Variants in CAPN8 observed in about 807,000 individuals in gnomAD.
The protein encoded by CAPN8 is calpain-8.
A neutral mutation model predicts 80.9 loss-of-function variants in CAPN8; 87 were observed. The observed-to-expected ratio is 1.07, with a 90% CI of 0.90 to 1.28. The LOEUF (loss-of-function observed/expected upper bound fraction) is 1.28. CAPN8 is among the 50% of genes most tolerant of loss of function. The pLI is 0.00. For synonymous variants in CAPN8, 299 were observed against 273.8 expected, an observed-to-expected ratio of 1.09 and a Z score of -0.91; for missense variants, 757 against 702.0, an observed-to-expected ratio of 1.08 and a Z score of -0.89.
chr1:223,627,896 G>A (rs895303932), intron 4 of CAPN8, 113 bp downstream of exon 4: 1 of 1,284,644 alleles, frequency 7.8e-7, no homozygotes, highest in Non-Finnish European at 1.0e-6. Flanking sequence ...CTGGATGCTG[G>A]GAAAGACGCC....
rs1658748634 is a variant in CAPN8 at position 223,665,079 on chromosome 1, C to A, written c.237+331G>T. ...GACCAGCCTGACCAACATGGAGAAA[C>A]CCCATCTCTACTAAAAATACAAAAT... On this transcript the variant is annotated intron_variant, in intron 1 of 20. Transcript: ENST00000366872. Among the ~76,000 whole-genome samples the A allele has an allele frequency of 3.3e-5, 5 of 152,006 alleles. No homozygotes were observed. In the South Asian group the frequency reaches 1.0e-3, roughly 32 times the overall value.
rs894060482 is a variant in CAPN8 at position 223,628,595 on chromosome 1, A to G, written c.426+67T>C. 8.8e-6 allele frequency: 11 copies of G among 1,252,712 alleles called. No homozygotes were observed. The African/African-American group carries it at 1.4e-4, about 15-fold the overall frequency. The allele number at this position is 1,252,712 out of a possible 1,614,324, so 77.6% of individuals were successfully genotyped here. A position where few individuals can be genotyped will look rare whatever the true frequency, so the allele number is the denominator to read the frequency against. ...GCCCCAAACCCAGAATTTCTGACGC[A>G]GTGGACCTGCAGTGAGCCCTAAGAA... On this transcript the variant is annotated intron_variant, in intron 3 of 20. Transcript: ENST00000366872.
intron 7 of CAPN8, among the ~76,000 whole-genome samples, chr1:223,622,345 G>C (rs537532722): frequency 8.1e-4 from 123 of 152,274 alleles, no homozygotes; most frequent in Non-Finnish European, 1.6e-3. Flanking sequence ...AGGAGCGAGT[G>C]CCGCTGCCTC....
At chr1:223,611,340 T>A (rs1657025867) in intron 11 of CAPN8, among the ~76,000 whole-genome samples, 2 of 152,244 alleles carry the variant, frequency 1.3e-5, no homozygotes, top group Admixed American at 1.3e-4. Context: ...TACTGTTGCC[T>A]TGGCAACATC....
chr1:223,546,882 T>TGTGGTG (rs550003619), intron 16 of CAPN8, among the ~76,000 whole-genome samples: 25 of 126,724 alleles, frequency 2.0e-4, no homozygotes, highest in South Asian at 1.9e-3. Flanking sequence ...TTGTTTGTTT[T>TGTGGTG]GTGGTTGTTG....
intron 5 of CAPN8, among the ~76,000 whole-genome samples, chr1:223,626,093 G>A (rs904659878): frequency 6.6e-6 from 1 of 152,114 alleles, no homozygotes; most frequent in Non-Finnish European, 1.5e-5. Flanking sequence ...GCCAGTGCAG[G>A]TGCCTGCCAA....
chr1:223,550,859 T>C lies in CAPN8; in HGVS notation c.1699+101A>G, dbSNP rs1656766635. 1.1e-5 allele frequency: 7 copies of C among 650,490 alleles called. No individual in the cohort carries two copies. The Admixed American group carries it at 1.2e-4, about 11-fold the overall frequency. 40.3% of individuals were successfully genotyped at this position (650,490 alleles called of 1,614,324 possible). A position where few individuals can be genotyped will look rare whatever the true frequency, so the allele number is the denominator to read the frequency against. ...TGGGGTCAGACACCAATGCCCTTTC[T>C]CCCACCTGTGGTGCTGCCAGCCCAA... On this transcript the variant is annotated intron_variant, in intron 15 of 20. Coordinates refer to ENST00000366872, the MANE Select transcript of CAPN8 (RefSeq NM_001143962.2).
At chr1:223,610,637 G>A (rs1657007321) in intron 11 of CAPN8, among the ~76,000 whole-genome samples, 1 of 152,160 alleles carries the variant, frequency 6.6e-6, no homozygotes, top group African/African-American at 2.4e-5. Flanking sequence ...AGAATCCAGG[G>A]GTGGAGCAGG....
chr1:223,556,465 C>T (rs1268413393), intron 13 of CAPN8, among the ~76,000 whole-genome samples: 1 of 152,176 alleles, frequency 6.6e-6, no homozygotes, highest in African/African-American at 2.4e-5. Flanking sequence ...GAAGGGGAGG[C>T]TGGACCATTG....
At chr1:223,648,398 G>C (rs899798077) in intron 2 of CAPN8, among the ~76,000 whole-genome samples, 1 of 152,196 alleles carries the variant, frequency 6.6e-6, no homozygotes, top group Admixed American at 6.5e-5. Flanking sequence ...AGGCTTCCCT[G>C]ACTGCTCATT....
intron 2 of CAPN8, among the ~76,000 whole-genome samples, chr1:223,652,266 C>A (rs1394040615): frequency 6.6e-6 from 1 of 151,970 alleles, no homozygotes; most frequent in Non-Finnish European, 1.5e-5. Flanking sequence ...CACTTGAGCC[C>A]AGGAGAAGGA....
At chr1:223,648,323 A>G (rs1341441168) in intron 2 of CAPN8, among the ~76,000 whole-genome samples, 1 of 152,040 alleles carries the variant, frequency 6.6e-6, no homozygotes, top group Non-Finnish European at 1.5e-5. Flanking sequence ...AGTTTTTCCC[A>G]CCTCGGAGGC....
chr1:223,665,613 G>C lies in CAPN8; in HGVS notation c.34C>G (p.Arg12Gly). ...AAQAAGVSRQ[R>G]AATQGLGSNQ... is the part of the protein sequence containing the mutation. Reference sequence around the variant, plus strand: ...GAGCCAAGACCTTGAGTGGCTGCCCGCTGCCTAGATACACCAGCTGCCTGG... The same window carrying C: ...GAGCCAAGACCTTGAGTGGCTGCCCCCTGCCTAGATACACCAGCTGCCTGG... The change falls in exon 1 of 21, where the codon CGG becomes GGG. Residue 12 changes from arginine to glycine, a missense_variant. Coordinates refer to ENST00000366872, the MANE Select transcript of CAPN8 (RefSeq NM_001143962.2). 1.3e-6 allele frequency: 2 copies of C among 1,551,574 alleles called. No individual in the cohort carries two copies. The highest frequency in any genetic ancestry group is 1.7e-6 in the Non-Finnish European group (2 of 1,146,988).
At chr1:223,558,372 T>C (rs1656952231) in intron 12 of CAPN8, among the ~76,000 whole-genome samples, 1 of 152,180 alleles carries the variant, frequency 6.6e-6, no homozygotes, top group Non-Finnish European at 1.5e-5. Context: ...CCTGAGTTTT[T>C]CATCAGAGAC....
chr1:223,547,042 T>C (rs1035876887), intron 16 of CAPN8, among the ~76,000 whole-genome samples: 12 of 152,128 alleles, frequency 7.9e-5, no homozygotes, highest in African/African-American at 2.9e-4. Flanking sequence ...GCCTCCCCAG[T>C]AGCTGGGATT....
At chr1:223,639,359 A>C (rs1657987139) in intron 2 of CAPN8, among the ~76,000 whole-genome samples, 1 of 152,268 alleles carries the variant, frequency 6.6e-6, no homozygotes. Context: ...TTCACCCTCC[A>C]AGAGTTGAAA....
chr1:223,629,224 GTGTGTGTT>G (rs1037513596), intron 2 of CAPN8, among the ~76,000 whole-genome samples: 68 of 150,806 alleles, frequency 4.5e-4, no homozygotes, highest in African/African-American at 1.2e-3. Flanking sequence ...GTGTGTGTGT[GTGTGTGTT>G]TATGTTCCTT....
intron 1 of CAPN8, among the ~76,000 whole-genome samples, chr1:223,654,667 A>T (rs952475088): frequency 2.0e-5 from 3 of 151,624 alleles, no homozygotes; most frequent in East Asian, 1.9e-4. Flanking sequence ...TTTATTTTTT[A>T]TTTATTTTAT....
At chr1:223,637,383 G>A (rs1408757609) in intron 2 of CAPN8, among the ~76,000 whole-genome samples, 1 of 152,106 alleles carries the variant, frequency 6.6e-6, no homozygotes, top group Non-Finnish European at 1.5e-5. Context: ...CTCCAGCTCT[G>A]CCATGACTTC....
Sources: allele counts gnomAD v4.1 joint callset (sites outside exome capture counted in the v4.1 genomes callset), GRCh38; gene constraint gnomAD v4.1.1; transcripts MANE v1.5; gene names NCBI Gene and HGNC (gene_info 2026-07-23, HGNC 2026-07-21).